The following PCDH9 variants were observed in gnomAD, a reference collection of about 807,000 sequenced individuals.
The protein encoded by PCDH9 is protocadherin-9.
Under a neutral mutation model 70.6 loss-of-function variants are expected in PCDH9, and 24 were observed. The ratio of observed to expected loss-of-function variants is 0.34; its 90% CI spans 0.25 to 0.48. The LOEUF is 0.48. PCDH9 is among the 20% of genes least tolerant of loss of function. The probability of loss-of-function intolerance (pLI) is 0.99; values close to 1 mark genes in which losing one functional copy is unlikely to be tolerated. For synonymous variants in PCDH9, 562 were observed against 558.5 expected (o/e 1.01, Z -0.09); for missense variants, 1,281 against 1,503.6 (o/e 0.85, Z 2.45).
chr13:66,984,442 T>A (rs2083846978), intron 2 of PCDH9, among the ~76,000 whole-genome samples: 1 of 152,172 alleles, frequency 6.6e-6, no homozygotes, highest in Non-Finnish European at 1.5e-5. Context: ...GAAAAACACA[T>A]ACTGCCTGAG....
At chr13:66,726,535 T>G (rs1789332222) in intron 3 of PCDH9, among the ~76,000 whole-genome samples, 1 of 152,148 alleles carries the variant, frequency 6.6e-6, no homozygotes, top group African/African-American at 2.4e-5. Flanking sequence ...TCACTGTGAC[T>G]CTCATGGCTC....
intron 4 of PCDH9, among the ~76,000 whole-genome samples, chr13:66,379,736 C>T (rs1477580846): frequency 1.4e-4 from 21 of 151,960 alleles, no homozygotes; most frequent in Admixed American, 9.2e-4. Flanking sequence ...GTTTGAGTGC[C>T]GTGTTTAAAC....
chr13:67,051,382 A>ATTTTTTTTTTTTTTTTTTT (rs567408801), intron 2 of PCDH9, among the ~76,000 whole-genome samples: 3 of 70,996 alleles, frequency 4.2e-5, no homozygotes, highest in Non-Finnish European at 4.9e-5. Flanking sequence ...ACAATACAAG[A>ATTTTTTTTTTTTTTTTTTT]TTTTTTTTTT....
chr13:67,124,802 A>G (rs938906796), intron 2 of PCDH9, among the ~76,000 whole-genome samples: 6 of 152,326 alleles, frequency 3.9e-5, no homozygotes, highest in South Asian at 2.1e-4. Flanking sequence ...TTTGAAATAT[A>G]CAATGAATCA....
intron 4 of PCDH9, among the ~76,000 whole-genome samples, chr13:66,378,951 C>T (rs1188734268): frequency 3.3e-5 from 5 of 152,182 alleles, no homozygotes; most frequent in Middle Eastern, 3.2e-3. Flanking sequence ...CACCTTCAAG[C>T]TGTCAATATC....
chr13:66,350,568 C>T (rs144731230), intron 4 of PCDH9, among the ~76,000 whole-genome samples: 22 of 152,174 alleles, frequency 1.4e-4, no homozygotes, highest in African/African-American at 4.3e-4. Context: ...CTCTGGCTCT[C>T]GGTCAATGAA....
intron 4 of PCDH9, among the ~76,000 whole-genome samples, chr13:66,493,464 G>A (rs1959065729): frequency 1.3e-5 from 2 of 151,936 alleles, no homozygotes; most frequent in African/African-American, 4.8e-5. Context: ...TAATCCAAAT[G>A]GTTTCATATT....
At chr13:66,735,116 G>A (rs185222351) in intron 3 of PCDH9, among the ~76,000 whole-genome samples, 1 of 152,274 alleles carries the variant, frequency 6.6e-6, no homozygotes, top group East Asian at 1.9e-4. Flanking sequence ...TCACTGAAAA[G>A]TTATATCTAC....
chr13:66,951,940 T>TG (rs376438730), intron 2 of PCDH9, among the ~76,000 whole-genome samples: 2 of 152,054 alleles, frequency 1.3e-5, no homozygotes, highest in Non-Finnish European at 2.9e-5. Flanking sequence ...AAAATAAACA[T>TG]GGGGGGTGTT....
At chr13:66,397,456 G>A (rs201560714) in intron 4 of PCDH9, among the ~76,000 whole-genome samples, 161 of 84,632 alleles carry the variant, frequency 1.9e-3, no homozygotes, top group African/African-American at 6.4e-3. Flanking sequence ...GTGTGTGTGT[G>A]TATATATATA....
intron 2 of PCDH9, among the ~76,000 whole-genome samples, chr13:67,067,057 T>A (rs1469863564): frequency 6.6e-6 from 1 of 152,150 alleles, no homozygotes; most frequent in Non-Finnish European, 1.5e-5. Flanking sequence ...CCTAGGGCTG[T>A]CAGGCTTGCT....
chr13:67,120,781 C>T (rs1008705681), intron 2 of PCDH9, among the ~76,000 whole-genome samples: 2 of 152,042 alleles, frequency 1.3e-5, no homozygotes, highest in Non-Finnish European at 1.5e-5. Flanking sequence ...TTATTTGATA[C>T]ACTTTCTCAT....
Position 66,692,109 on chromosome 13 carries a change from T to C in PCDH9, c.3139-60698A>G, listed in dbSNP as rs142820751. ...ATGAGGAACATGCTATAACAAAGCT[T>C]CTTTGATATTAGCCTCTACATGGCA... On this transcript the variant is annotated intron_variant, in intron 3 of 4. Coordinates refer to ENST00000377865, the MANE Select transcript of PCDH9 (RefSeq NM_203487.3). Among the ~76,000 whole-genome samples the C allele has an allele frequency of 1.8e-3, 276 of 152,272 alleles. 1 individual carries two copies. The highest frequency in any genetic ancestry group is 6.5e-3 in the African/African-American group (271 of 41,564).
chr13:66,759,835 T>C (rs1254064258), intron 3 of PCDH9, among the ~76,000 whole-genome samples: 2 of 152,204 alleles, frequency 1.3e-5, no homozygotes, highest in African/African-American at 4.8e-5. Context: ...AAATTTTGAA[T>C]ATTTTTATCT....
intron 3 of PCDH9, among the ~76,000 whole-genome samples, chr13:66,871,331 A>G (rs1227424572): frequency 6.6e-6 from 1 of 152,002 alleles, no homozygotes; most frequent in Non-Finnish European, 1.5e-5. Context: ...TGGCACATGT[A>G]TACATATGTA....
chr13:66,530,628 G>A (rs1960411389), intron 4 of PCDH9, among the ~76,000 whole-genome samples: 1 of 151,852 alleles, frequency 6.6e-6, no homozygotes, highest in Non-Finnish European at 1.5e-5. Context: ...CATTAGTGAT[G>A]CCTGTGTCCA....
intron 4 of PCDH9, among the ~76,000 whole-genome samples, chr13:66,541,916 T>C (rs1960973427): frequency 6.6e-6 from 1 of 152,180 alleles, no homozygotes; most frequent in African/African-American, 2.4e-5. Flanking sequence ...GTAAATTGAT[T>C]ACTGTTTTCC....
intron 2 of PCDH9, among the ~76,000 whole-genome samples, chr13:66,946,925 A>C (rs1366533641): frequency 1.3e-5 from 2 of 152,154 alleles, no homozygotes; most frequent in African/African-American, 4.8e-5. Flanking sequence ...TTGTGTTATG[A>C]ATCTTTCTTC....
At chr13:66,683,019 TG>T (rs535028839) in intron 3 of PCDH9, among the ~76,000 whole-genome samples, 3 of 152,164 alleles carry the variant, frequency 2.0e-5, no homozygotes, top group Non-Finnish European at 4.4e-5. Context: ...AGAGGTTTGT[TG>T]GGAACATTTT....
Sources: gnomAD v4.1 joint callset for allele counts (sites outside exome capture counted in the v4.1 genomes callset) on GRCh38, gnomAD v4.1.1 for gene constraint, MANE v1.5 for transcripts, NCBI Gene and HGNC (gene_info 2026-07-23, HGNC 2026-07-21) for gene names.